Variants in XPO1 observed in about 807,000 individuals in gnomAD.
XPO1 encodes the protein exportin-1.
A neutral mutation model predicts 133.3 loss-of-function variants in XPO1; 5 were observed. The ratio of observed to expected loss-of-function variants is 0.04; its 90% CI spans 0.02 to 0.08. XPO1 has a LOEUF of 0.08. XPO1 is among the 10% of genes least tolerant of loss of function. The pLI is 1.00. For missense variants in XPO1, 506 were observed against 1,267.5 expected, an observed-to-expected ratio of 0.40 and a Z score of 9.12; for synonymous variants, 419 against 408.2, an observed-to-expected ratio of 1.03 and a Z score of -0.32.
chr2:61,502,585 T>G, intron 4 of XPO1: 1 of 266,864 alleles, frequency 3.7e-6, no homozygotes, highest in Admixed American at 5.1e-5. Context: ...AAACCCTGTC[T>G]CTACTAAAAA....
chr2:61,496,597 T>TTA (rs1339085751), intron 10 of XPO1, among the ~76,000 whole-genome samples: 1 of 152,196 alleles, frequency 6.6e-6, no homozygotes, highest in East Asian at 1.9e-4. Context: ...AGACACAATG[T>TTA]TAGGAACAAG....
rs1229376805 is a variant in XPO1, at chr2:61,485,945, A to G, written c.2331T>C (p.Val777=). The G allele has an allele frequency of 2.7e-5, 44 of 1,607,628 alleles. No homozygotes were observed. Among genetic ancestry groups the G allele is most frequent in the Non-Finnish European group, 3.5e-5 (41 of 1,177,962 alleles). ...TGAGAACTGCATCCAACAGAGGGGG[A>G]ACAAAATTTTCAGCGACCTGTTGGG... ...NDPQMVAENF[V]PPLLDAVLID... is the part of the protein sequence containing the mutation. The change falls in exon 20 of 25, where the codon GTT becomes GTC. Residue 777 remains valine (V), a synonymous_variant. Coordinates refer to ENST00000401558, the MANE Select transcript of XPO1 (RefSeq NM_003400.4).
chr2:61,529,936 A>G (rs1373764132), intron 2 of XPO1, among the ~76,000 whole-genome samples: 1 of 152,214 alleles, frequency 6.6e-6, no homozygotes, highest in African/African-American at 2.4e-5. Context: ...ATACTTTAAA[A>G]TACAATCATA....
Position 61,487,531 on chromosome 2 carries a change from T to TA in XPO1, c.2313+633dup, listed in dbSNP as rs943815957. On this transcript the variant is annotated intron_variant, in intron 19 of 24. Transcript: ENST00000401558. ...ACTATGAAAATAACTAGCACACTTG[T>TA]AAAAAAAAAAACCAAAAAACAAAAA... Among the ~76,000 whole-genome samples, 776 of 143,394 alleles carry TA rather than the reference T, an allele frequency of 5.4e-3. 5 individuals carry two copies. The highest frequency in any genetic ancestry group is 0.02 in the South Asian group (93 of 4,542). 94.1% of individuals were successfully genotyped at this position (143,394 alleles called of 152,430 possible). A position where few individuals can be genotyped will look rare whatever the true frequency, so the allele number is the denominator to read the frequency against.
rs1243806849 is a variant in XPO1 at position 61,494,099 on chromosome 2, G to A, written c.1048-8C>T. ...CAACATATAATGAAGGGCCTACACA[G>A]AAGACCAAAACTGTTAAAATAATTC... On this transcript the variant is annotated splice_polypyrimidine_tract_variant and splice_region_variant and intron_variant, in intron 11 of 24. Transcript: ENST00000401558. The A allele has an allele frequency of 6.2e-7, 1 of 1,607,888 alleles. No homozygotes were observed. The highest frequency in any genetic ancestry group is 1.7e-5 in the Admixed American group (1 of 58,764).
intron 4 of XPO1, among the ~76,000 whole-genome samples, chr2:61,510,670 G>T (rs1333469002): frequency 1.3e-5 from 2 of 152,140 alleles, no homozygotes; most frequent in African/African-American, 4.8e-5. Flanking sequence ...GAGCACAGTA[G>T]CTCTTGACTG....
At chr2:61,493,728 G>C (rs1697106948) in intron 12 of XPO1, 166 bp downstream of exon 12, 1 of 717,816 alleles carries the variant, frequency 1.4e-6, no homozygotes, top group Non-Finnish European at 2.3e-6. Context: ...TGAGAATCAA[G>C]GTTCTAGACT....
At chr2:61,507,542 G>A (rs1697888492) in intron 4 of XPO1, among the ~76,000 whole-genome samples, 1 of 151,960 alleles carries the variant, frequency 6.6e-6, no homozygotes, top group South Asian at 2.1e-4. Flanking sequence ...CTGCACTTCA[G>A]CCTGGGCAAC....
chr2:61,516,509 G>A (rs2104682876), intron 4 of XPO1, among the ~76,000 whole-genome samples: 3 of 151,952 alleles, frequency 2.0e-5, no homozygotes, highest in Middle Eastern at 3.4e-3. Flanking sequence ...CTGCCTCCCG[G>A]GTTCAAGCGA....
intron 23 of XPO1, among the ~76,000 whole-genome samples, chr2:61,482,034 C>CGTTTT (rs1553401140): frequency 1.4e-5 from 1 of 71,368 alleles, no homozygotes; most frequent in Non-Finnish European, 2.7e-5. Context: ...CGTGCGTGGC[C>CGTTTT]TTTTTTTTTT....
chr2:61,522,965 T>C (rs1032727046), intron 3 of XPO1, among the ~76,000 whole-genome samples: 2 of 152,200 alleles, frequency 1.3e-5, no homozygotes, highest in African/African-American at 4.8e-5. Flanking sequence ...AGCAGCCAAA[T>C]AGGCTTATCT....
At chr2:61,481,970 T>A (rs939216564) in intron 23 of XPO1, among the ~76,000 whole-genome samples, 4 of 147,090 alleles carry the variant, frequency 2.7e-5, no homozygotes, top group African/African-American at 9.9e-5. Context: ...CTCCTGACCT[T>A]GTGATTCACC....
At chr2:61,515,080 A>AAT (rs1456024889) in intron 4 of XPO1, among the ~76,000 whole-genome samples, 1 of 151,588 alleles carries the variant, frequency 6.6e-6, no homozygotes, top group African/African-American at 2.4e-5. Context: ...AAAAAAAAAA[A>AAT]AAAAAAAATC....
rs1558620595 is a variant in XPO1, at chr2:61,477,908, GAATA to G, written c.*908_*911del. ...CAAATACCCACTATCATTAATATAG[GAATA>G]AATGAGTCAATAAAGGAAAAATAAA... On this transcript the variant is annotated 3_prime_UTR_variant, in exon 25 of 25. Transcript: ENST00000401558. The G allele has an allele frequency of 9.3e-6, 2 of 214,714 alleles. No homozygotes were observed. Among genetic ancestry groups the G allele is most frequent in the Non-Finnish European group, 1.9e-5 (2 of 106,334 alleles). The allele number at this position is 214,714 out of a possible 1,614,324, so 13.3% of individuals were successfully genotyped here.
At chr2:61,497,030 C>G (rs1697271569) in intron 9 of XPO1, 23 bp from the exon 10 acceptor site, 1 of 1,589,630 alleles carries the variant, frequency 6.3e-7, no homozygotes, top group Non-Finnish European at 8.5e-7. Flanking sequence ...GGGGAGGGAA[C>G]CATAAAATTA....
chr2:61,498,923 A>G lies in XPO1; in HGVS notation c.591-10T>C. The G allele has an allele frequency of 6.4e-7, 1 of 1,573,208 alleles. No individual in the cohort carries two copies. Among genetic ancestry groups the G allele is most frequent in the Non-Finnish European group, 8.6e-7 (1 of 1,162,346 alleles). On this transcript the variant is annotated splice_polypyrimidine_tract_variant and intron_variant, in intron 7 of 24. Coordinates refer to ENST00000401558, the MANE Select transcript of XPO1 (RefSeq NM_003400.4). ...GAATTCATTGCACATGCTAAAAAAA[A>G]AAACACACAAAAATATCAGATTTAG...
At position 61,492,550 on chromosome 2, in the gene XPO1, A is replaced by G. The variant is rs747167104; in HGVS notation, c.1566+17T>C. On this transcript the variant is annotated intron_variant, in intron 14 of 24. Transcript: ENST00000401558. This position sits in a 1 kb window ranked among gnomAD's most constrained non-coding sequence, Gnocchi z 5.6. ...TACTTATTTAGCAATTCTAATTCAT[A>G]CCTATCCCTTGCATACCTTTATAAC... 1.2e-6 allele frequency: 2 copies of G among 1,604,746 alleles called. No individual in the cohort carries two copies. Among genetic ancestry groups the G allele is most frequent in the Admixed American group, 3.5e-5 (2 of 57,730 alleles).
intron 23 of XPO1, among the ~76,000 whole-genome samples, chr2:61,481,539 A>G (rs1317533000): frequency 2.6e-5 from 4 of 152,138 alleles, no homozygotes; most frequent in African/African-American, 9.6e-5. Flanking sequence ...GCTCACCGCA[A>G]CCTCTGAAGC....
intron 4 of XPO1, among the ~76,000 whole-genome samples, chr2:61,506,498 C>T (rs1186790448): frequency 2.7e-5 from 4 of 148,176 alleles, no homozygotes; most frequent in African/African-American, 1.0e-4. Flanking sequence ...ACCTGGGAAG[C>T]TGAGGCAGGA....
Sources: allele counts gnomAD v4.1 joint callset (sites outside exome capture counted in the v4.1 genomes callset), GRCh38; gene constraint gnomAD v4.1.1; non-coding constraint Gnocchi (gnomAD v3.1); transcripts MANE v1.5; gene names NCBI Gene and HGNC (gene_info 2026-07-23, HGNC 2026-07-21).